Variants in ERCC6L2 observed in about 807,000 individuals in gnomAD.
ERCC6L2 encodes DNA excision repair protein ERCC-6-like 2.
A neutral mutation model predicts 132.0 loss-of-function variants in ERCC6L2; 77 were observed. The observed-to-expected ratio is 0.58, with a 90% confidence interval of 0.49 to 0.71. The LOEUF (loss-of-function observed/expected upper bound fraction) is 0.71. Ranked by LOEUF, ERCC6L2 falls within the 30% of genes least tolerant of loss-of-function variation. The pLI is 0.00. For missense variants in ERCC6L2, 1,542 were observed against 1,837.6 expected (o/e 0.84, Z 2.94); for synonymous variants, 583 against 632.4 (o/e 0.92, Z 1.17).
rs1588061639 is a variant in ERCC6L2, at chr9:96,018,073, A to G, written c.*4870A>G. ...GAGACAAAGTAGAATGGTGGTTGCT[A>G]GACGCTGGAGGGAGGGGAGAAAGGG... On this transcript the variant is annotated 3_prime_UTR_variant, in exon 19 of 19. Transcript: ENST00000653738. 6.6e-6 allele frequency among the ~76,000 whole-genome samples: 1 copy of G among 152,182 alleles called. No individual in the cohort carries two copies. The highest frequency in any genetic ancestry group is 2.1e-4 in the South Asian group (1 of 4,832).
intron 16 of ERCC6L2, among the ~76,000 whole-genome samples, chr9:95,975,850 C>G (rs1036506226): frequency 1.3e-5 from 2 of 151,886 alleles, no homozygotes; most frequent in African/African-American, 4.8e-5. Context: ...TATGTTCCTT[C>G]TAGTTTAGTC....
intron 2 of ERCC6L2, among the ~76,000 whole-genome samples, chr9:95,885,914 C>T (rs145222724): frequency 6.3e-4 from 96 of 152,250 alleles, no homozygotes; most frequent in African/African-American, 1.9e-3. Context: ...TTTGCTCAGA[C>T]GGTGTGTTTT....
At chr9:95,973,587 G>T (rs1832528787) in intron 16 of ERCC6L2, among the ~76,000 whole-genome samples, 1 of 152,138 alleles carries the variant, frequency 6.6e-6, no homozygotes, top group Admixed American at 6.6e-5. Flanking sequence ...AGAGCTTGCA[G>T]AGGGGAACTC....
chr9:95,966,863 T>A (rs530861349), intron 14 of ERCC6L2, 149 bp downstream of exon 14: 9 of 525,688 alleles, frequency 1.7e-5, no homozygotes, highest in Admixed American at 7.9e-5. Context: ...TTTTAGAGAA[T>A]AAGAAATGAA....
chr9:95,922,077 G>T (rs1306645437), intron 7 of ERCC6L2, among the ~76,000 whole-genome samples: 1 of 152,076 alleles, frequency 6.6e-6, no homozygotes, highest in Non-Finnish European at 1.5e-5. Flanking sequence ...CTGTAATAAG[G>T]ATTTTCTCCC....
chr9:96,040,105 G>C (rs1834561612), intron 20 of ERCC6L2, among the ~76,000 whole-genome samples: 1 of 151,584 alleles, frequency 6.6e-6, no homozygotes, highest in African/African-American at 2.4e-5. Context: ...AGAGAGCAAA[G>C]GTAGAGAAGC....
At chr9:95,946,283 C>T (rs1170354961) in intron 12 of ERCC6L2, among the ~76,000 whole-genome samples, 1 of 152,156 alleles carries the variant, frequency 6.6e-6, no homozygotes, top group African/African-American at 2.4e-5. Flanking sequence ...AATCCCAGCA[C>T]TTTGGGAGGC....
At chr9:95,883,374 A>G (rs944156848) in intron 2 of ERCC6L2, among the ~76,000 whole-genome samples, 2 of 152,226 alleles carry the variant, frequency 1.3e-5, no homozygotes, top group African/African-American at 2.4e-5. Context: ...GGTGAGCAGC[A>G]GGTCTTAGAC....
intron 8 of ERCC6L2, 37 bp from the exon 9 acceptor site, chr9:95,923,223 A>C: frequency 1.2e-6 from 2 of 1,605,586 alleles, no homozygotes; most frequent in South Asian, 1.1e-5. Context: ...GAATGTGTTA[A>C]GTGGAAATAT....
chr9:96,032,287 C>T (rs553431570), intron 19 of ERCC6L2, among the ~76,000 whole-genome samples: 5 of 152,326 alleles, frequency 3.3e-5, no homozygotes, highest in South Asian at 4.1e-4. Flanking sequence ...CGAGCAGCTC[C>T]ACTCATGTTG....
Position 95,978,191 on chromosome 9 carries a change from T to C in ERCC6L2, c.3468T>C (p.Ala1156=). The C allele has an allele frequency of 7.3e-6, 10 of 1,366,398 alleles. No individual in the cohort carries two copies. Among genetic ancestry groups the C allele is most frequent in the Non-Finnish European group, 9.8e-6 (10 of 1,021,290 alleles). 84.6% of individuals were successfully genotyped at this position (1,366,398 alleles called of 1,614,324 possible). A position where few individuals can be genotyped will look rare whatever the true frequency, so the allele number is the denominator to read the frequency against. ...FELKQFSQLP[A]NIAVCSSKTY... Reference sequence around the variant, plus strand: ...TGAAGCAGTTTTCTCAGCTGCCTGCTAACATAGCTGTTTGCAGTTCTAAGG... The same window carrying C: ...TGAAGCAGTTTTCTCAGCTGCCTGCCAACATAGCTGTTTGCAGTTCTAAGG... Residue 1156 remains alanine (A), a synonymous_variant, in exon 17 of 19, where the codon GCT becomes GCC. Transcript: ENST00000653738.
Position 95,972,836 on chromosome 9 carries a change from G to A in ERCC6L2, c.3085G>A (p.Ala1029Thr), listed in dbSNP as rs1481119904. ...TMNKTNQVYA[A>T]NEDHNSQFID... ...GAACAAAACAAACCAAGTGTATGCA[G>A]CAAATGAGGATCATAACTCTCAGTT... The change falls in exon 16 of 19, where the codon GCA becomes ACA. Residue 1029 changes from alanine to threonine, a missense_variant. Around this residue, in one of 4 missense-constraint regions of ERCC6L2, gnomAD observed 945 missense variants for 1,105.2 expected, o/e 0.86. Transcript: ENST00000653738. The A allele has an allele frequency of 7.7e-7, 1 of 1,305,018 alleles. No individual in the cohort carries two copies. The allele number at this position is 1,305,018 out of a possible 1,614,324, so 80.8% of individuals were successfully genotyped here.
chr9:95,919,197 A>G (rs969843528), intron 6 of ERCC6L2, among the ~76,000 whole-genome samples: 1 of 152,128 alleles, frequency 6.6e-6, no homozygotes, highest in Non-Finnish European at 1.5e-5. Flanking sequence ...CAGAATAAAC[A>G]TGGCATTTAG....
chr9:95,984,814 A>G (rs996759703), intron 17 of ERCC6L2, among the ~76,000 whole-genome samples: 1 of 152,246 alleles, frequency 6.6e-6, no homozygotes, highest in African/African-American at 2.4e-5. Flanking sequence ...TTATGTTCTG[A>G]GAATTTTAAA....
intron 4 of ERCC6L2, among the ~76,000 whole-genome samples, chr9:95,910,059 G>A (rs1829271399): frequency 6.6e-6 from 1 of 152,208 alleles, no homozygotes; most frequent in Non-Finnish European, 1.5e-5. Flanking sequence ...GTTATTGGAT[G>A]TAGTGTTTAT....
chr9:95,928,209 A>T, intron 10 of ERCC6L2, 59 bp downstream of exon 10: 1 of 1,146,156 alleles, frequency 8.7e-7, no homozygotes. Context: ...GGCATAAAGA[A>T]TAAAGCATAT....
chr9:96,003,863 C>T (rs1451798081), intron 17 of ERCC6L2, among the ~76,000 whole-genome samples: 2 of 152,202 alleles, frequency 1.3e-5, no homozygotes, highest in Non-Finnish European at 2.9e-5. Context: ...CCTATTCATA[C>T]TGTATCATCT....
Position 95,921,173 on chromosome 9 carries a change from A to G in ERCC6L2, c.1159-2A>G. On this transcript the variant is annotated splice_acceptor_variant, in intron 6 of 18. Coordinates refer to ENST00000653738, the MANE Select transcript of ERCC6L2 (RefSeq NM_020207.7). LOFTEE classifies it high-confidence loss of function. ...TAACTACCTTGTATTTTATCTTGGC[A>G]GATGGTGTATTGTTCTTTGACAGAT... 1 of 1,603,710 alleles carries G rather than the reference A, an allele frequency of 6.2e-7. No individual in the cohort carries two copies. The highest frequency in any genetic ancestry group is 8.5e-7 in the Non-Finnish European group (1 of 1,176,060).
At chr9:95,990,528 G>A (rs1316071546) in intron 17 of ERCC6L2, among the ~76,000 whole-genome samples, 1 of 152,220 alleles carries the variant, frequency 6.6e-6, no homozygotes, top group Non-Finnish European at 1.5e-5. Context: ...CTTAATTGTA[G>A]TAGTGAGACA....
Sources: gnomAD v4.1 joint callset for allele counts (sites outside exome capture counted in the v4.1 genomes callset) on GRCh38, gnomAD v4.1.1 for gene constraint, gnomAD v4.1.1 regional missense constraint, MANE v1.5 for transcripts, NCBI Gene and HGNC (gene_info 2026-07-23, HGNC 2026-07-21) for gene names.